Variants in LRMDA observed in about 807,000 individuals in gnomAD.
The protein encoded by LRMDA is leucine-rich melanocyte differentiation-associated protein.
LRMDA carries 18 observed loss-of-function variants against 29.8 expected under a neutral mutation model. That is an observed-to-expected ratio of 0.60 (90% CI 0.42 to 0.90). The LOEUF is 0.90. Ranked by LOEUF, LRMDA falls within the 40% of genes least tolerant of loss-of-function variation. LRMDA has a pLI of 0.00. For missense variants in LRMDA, 273 were observed against 273.9 expected, an observed-to-expected ratio of 1.00 and a Z score of 0.02; for synonymous variants, 125 against 109.4, an observed-to-expected ratio of 1.14 and a Z score of -0.89.
intron 2 of LRMDA, among the ~76,000 whole-genome samples, chr10:75,569,504 T>C (rs1022427052): frequency 6.6e-6 from 1 of 152,262 alleles, no homozygotes; most frequent in African/African-American, 2.4e-5. Context: ...TGGATTATTT[T>C]CCCCTGTCAG....
chr10:75,681,612 A>G (rs2132152806), intron 2 of LRMDA, among the ~76,000 whole-genome samples: 1 of 152,308 alleles, frequency 6.6e-6, no homozygotes, highest in East Asian at 1.9e-4. Flanking sequence ...ATGGTGGATC[A>G]GTGGAGTACC....
intron 2 of LRMDA, among the ~76,000 whole-genome samples, chr10:75,812,531 AT>A (rs1446351050): frequency 9.2e-5 from 14 of 152,212 alleles, no homozygotes; most frequent in African/African-American, 3.1e-4. Flanking sequence ...CCAGTTAATG[AT>A]TTTCTGGGGC....
intron 2 of LRMDA, among the ~76,000 whole-genome samples, chr10:75,978,288 C>T (rs1409954787): frequency 6.6e-6 from 1 of 152,096 alleles, no homozygotes; most frequent in Non-Finnish European, 1.5e-5. Flanking sequence ...CATGAGGAAC[C>T]CTGGTTCCCT....
At chr10:76,229,605 G>A (rs901876979) in intron 5 of LRMDA, among the ~76,000 whole-genome samples, 1 of 152,000 alleles carries the variant, frequency 6.6e-6, no homozygotes, top group African/African-American at 2.4e-5. Flanking sequence ...TTGGCAAGAG[G>A]TAGAGGGGTG....
At chr10:75,972,028 A>G (rs577867174) in intron 2 of LRMDA, among the ~76,000 whole-genome samples, 2 of 152,286 alleles carry the variant, frequency 1.3e-5, no homozygotes, top group East Asian at 3.9e-4. Context: ...AATAACTAAC[A>G]CTAGAGGAAA....
At chr10:75,881,031 T>C (rs1845285584) in intron 2 of LRMDA, among the ~76,000 whole-genome samples, 1 of 152,184 alleles carries the variant, frequency 6.6e-6, no homozygotes, top group South Asian at 2.1e-4. Context: ...TGGCTTCTCT[T>C]AGTAGCTCTT....
intron 2 of LRMDA, among the ~76,000 whole-genome samples, chr10:75,968,098 C>G (rs945886047): frequency 1.4e-4 from 21 of 151,852 alleles, no homozygotes; most frequent in African/African-American, 5.1e-4. Flanking sequence ...CTTGTTGGCT[C>G]TGCAGTGGGA....
At chr10:76,441,988 G>A (rs922643879) in intron 6 of LRMDA, among the ~76,000 whole-genome samples, 1 of 152,140 alleles carries the variant, frequency 6.6e-6, no homozygotes, top group African/African-American at 2.4e-5. Flanking sequence ...AAACACTTTG[G>A]TGTATTATTC....
At chr10:75,745,801 A>C (rs1842883256) in intron 2 of LRMDA, among the ~76,000 whole-genome samples, 1 of 152,154 alleles carries the variant, frequency 6.6e-6, no homozygotes, top group African/African-American at 2.4e-5. Context: ...CCGGTCTGTG[A>C]CAATTCAGCT....
At position 76,101,284 on chromosome 10, in the gene LRMDA, C is replaced by G. The variant is rs1052421292; in HGVS notation, c.516+42501C>G. 2.6e-5 allele frequency among the ~76,000 whole-genome samples: 4 copies of G among 152,280 alleles called. No individual in the cohort carries two copies. In the East Asian group the frequency reaches 7.7e-4, roughly 29 times the overall value. ...AACTGATTTATATTTTCATTCTATGCCACATCTTGGTCTTATTAGGTCCTT... is the reference window on the plus strand; with the variant it reads ...AACTGATTTATATTTTCATTCTATGGCACATCTTGGTCTTATTAGGTCCTT... On this transcript the variant is annotated intron_variant, in intron 5 of 6. Transcript: ENST00000611255.
At position 75,775,413 on chromosome 10, in the gene LRMDA, G is replaced by A. The variant is rs560619085; in HGVS notation, c.132-260595G>A. ...TGGGACTACAGGCATGCACAACTGT[G>A]CCCGGCTTCCTTTTATAAATAGGTT... is the stretch of plus-strand genomic sequence containing the variant. On this transcript the variant is annotated intron_variant, in intron 2 of 6. Transcript: ENST00000611255. Among the ~76,000 whole-genome samples, 11 of 152,326 alleles carry A rather than the reference G, an allele frequency of 7.2e-5. No homozygotes were observed. In the South Asian group the frequency reaches 2.1e-3, roughly 29 times the overall value.
intron 2 of LRMDA, among the ~76,000 whole-genome samples, chr10:75,492,873 C>T: frequency 6.6e-6 from 1 of 152,096 alleles, no homozygotes; most frequent in East Asian, 1.9e-4. Context: ...ATTGAAGTGC[C>T]TTTGGAGTGA....
intron 2 of LRMDA, among the ~76,000 whole-genome samples, chr10:75,438,943 TTC>T (rs1203530868): frequency 6.6e-6 from 1 of 152,166 alleles, no homozygotes; most frequent in Non-Finnish European, 1.5e-5. Flanking sequence ...TATGTGTGTG[TTC>T]TCTTTCTTTT....
intron 2 of LRMDA, among the ~76,000 whole-genome samples, chr10:75,578,023 G>T (rs892317408): frequency 2.4e-4 from 37 of 151,848 alleles, no homozygotes; most frequent in African/African-American, 8.7e-4. Flanking sequence ...GGCAGGATCA[G>T]TTTCACACAT....
intron 3 of LRMDA, among the ~76,000 whole-genome samples, chr10:76,044,431 TTTTC>T (rs1848393569): frequency 1.5e-5 from 2 of 136,032 alleles, no homozygotes; most frequent in South Asian, 2.4e-4. Context: ...AATGAGACTT[TTTTC>T]TTTGTTTTTT....
intron 2 of LRMDA, among the ~76,000 whole-genome samples, chr10:75,708,930 C>G (rs2132175544): frequency 6.6e-6 from 1 of 152,272 alleles, no homozygotes; most frequent in East Asian, 1.9e-4. Context: ...TTTTTCCTAA[C>G]TGGTAAAAGA....
chr10:76,441,140 TTG>T (rs1842298302), intron 6 of LRMDA, among the ~76,000 whole-genome samples: 1 of 152,142 alleles, frequency 6.6e-6, no homozygotes, highest in Admixed American at 6.5e-5. Context: ...ATGAGTGATA[TTG>T]TAGGGTGACT....
intron 5 of LRMDA, among the ~76,000 whole-genome samples, chr10:76,081,204 G>A (rs953490332): frequency 2.0e-5 from 3 of 152,176 alleles, no homozygotes; most frequent in African/African-American, 4.8e-5. Context: ...GGCAGGATGC[G>A]GTGACTCATG....
At chr10:76,147,108 G>A (rs1210769595) in intron 5 of LRMDA, among the ~76,000 whole-genome samples, 1 of 152,164 alleles carries the variant, frequency 6.6e-6, no homozygotes, top group African/African-American at 2.4e-5. Context: ...CTCTCTGGCT[G>A]CCCTTAACGT....
Sources: gnomAD v4.1 joint callset for allele counts (sites outside exome capture counted in the v4.1 genomes callset) on GRCh38, gnomAD v4.1.1 for gene constraint, MANE v1.5 for transcripts, NCBI Gene and HGNC (gene_info 2026-07-23, HGNC 2026-07-21) for gene names.